Variants in NARS2 observed in about 807,000 individuals in gnomAD.
The protein encoded by NARS2 is asparaginyl-tRNA synthetase.
In NARS2, 60 loss-of-function variants were observed where a neutral mutation model predicts 62.9. The ratio of observed to expected loss-of-function variants is 0.95; its 90% CI spans 0.77 to 1.18. The LOEUF (loss-of-function observed/expected upper bound fraction) is 1.18, where lower values mean the gene tolerates loss of function less well. Ranked by LOEUF, NARS2 falls within the 50% of genes most tolerant of loss-of-function variation. NARS2 has a pLI of 0.00. For synonymous variants in NARS2, 196 were observed against 200.0 expected, an observed-to-expected ratio of 0.98 and a Z score of 0.17; for missense variants, 619 against 576.4, an observed-to-expected ratio of 1.07 and a Z score of -0.76.
Position 78,566,679 on chromosome 11 carries a change from T to C in NARS2, c.373-407A>G, listed in dbSNP as rs138063329. 5.6e-3 allele frequency among the ~76,000 whole-genome samples: 847 copies of C among 152,330 alleles called. 6 individuals carry two copies. The highest frequency in any genetic ancestry group is 0.018 in the African/African-American group (738 of 41,578). On this transcript the variant is annotated intron_variant, in intron 3 of 13. Transcript: ENST00000281038. ...ATGTACACACAAGGCTGGTGTTCAATTTTAAAATTACCTATATGTCTTGAA... is the reference window on the plus strand; with the variant it reads ...ATGTACACACAAGGCTGGTGTTCAACTTTAAAATTACCTATATGTCTTGAA...
chr11:78,451,680 G>T (rs192396865), intron 11 of NARS2, among the ~76,000 whole-genome samples: 1 of 152,306 alleles, frequency 6.6e-6, no homozygotes, highest in East Asian at 1.9e-4. Context: ...AATAAAAAGT[G>T]CTACAGCAGA....
At chr11:78,549,934 C>T (rs936991745) in intron 5 of NARS2, among the ~76,000 whole-genome samples, 1 of 152,048 alleles carries the variant, frequency 6.6e-6, no homozygotes, top group African/African-American at 2.4e-5. Context: ...AAAGACAACC[C>T]AATTAAAGTC....
At chr11:78,506,872 G>T (rs1205921283) in intron 6 of NARS2, among the ~76,000 whole-genome samples, 1 of 152,094 alleles carries the variant, frequency 6.6e-6, no homozygotes, top group Non-Finnish European at 1.5e-5. Context: ...GCAGTCTATG[G>T]AATACCCGCA....
intron 7 of NARS2, among the ~76,000 whole-genome samples, chr11:78,481,889 T>C (rs1034565078): frequency 2.6e-5 from 4 of 152,196 alleles, no homozygotes; most frequent in Non-Finnish European, 4.4e-5. Flanking sequence ...AGGAAAAAAG[T>C]GTATATCACA....
At chr11:78,512,518 T>C (rs1417518041) in intron 6 of NARS2, among the ~76,000 whole-genome samples, 1 of 152,180 alleles carries the variant, frequency 6.6e-6, no homozygotes, top group Non-Finnish European at 1.5e-5. Flanking sequence ...AGCAGCTCTG[T>C]AATGTGGCCA....
intron 6 of NARS2, among the ~76,000 whole-genome samples, chr11:78,493,435 C>T (rs1272628101): frequency 2.6e-5 from 4 of 152,112 alleles, no homozygotes; most frequent in Non-Finnish European, 5.9e-5. Context: ...CCTGGGAGGA[C>T]TGCTTAAACT....
chr11:78,453,478 AG>A (rs1326089227), intron 11 of NARS2, among the ~76,000 whole-genome samples: 4 of 152,192 alleles, frequency 2.6e-5, no homozygotes, highest in Non-Finnish European at 5.9e-5. Context: ...TAGGCTAGAT[AG>A]GAACAAGGCT....
At chr11:78,544,516 G>A (rs1014525574) in intron 5 of NARS2, among the ~76,000 whole-genome samples, 2 of 152,172 alleles carry the variant, frequency 1.3e-5, no homozygotes, top group African/African-American at 4.8e-5. Context: ...GTTACCGGCT[G>A]AGCGCAGTAG....
intron 4 of NARS2, among the ~76,000 whole-genome samples, chr11:78,560,023 G>A (rs545962028): frequency 9.2e-5 from 14 of 152,160 alleles, no homozygotes; most frequent in African/African-American, 2.4e-4. Context: ...AAACACATAC[G>A]CACACTATAG....
chr11:78,568,847 A>G (rs1856826941), intron 2 of NARS2, 95 bp from the exon 3 acceptor site: 2 of 1,029,392 alleles, frequency 1.9e-6, no homozygotes, highest in Non-Finnish European at 2.8e-6. Flanking sequence ...ATACTTAATG[A>G]CAAAAGCTTT....
chr11:78,443,016 CAGATA>C (rs1374228757), intron 12 of NARS2, among the ~76,000 whole-genome samples: 1 of 152,040 alleles, frequency 6.6e-6, no homozygotes, highest in Non-Finnish European at 1.5e-5. Flanking sequence ...ATAAAGAACA[CAGATA>C]AGATAAAAAT....
intron 9 of NARS2, among the ~76,000 whole-genome samples, chr11:78,473,090 CAGG>C (rs1441216511): frequency 1.3e-5 from 2 of 152,148 alleles, no homozygotes; most frequent in African/African-American, 4.8e-5. Context: ...TGCTTGAGCC[CAGG>C]AGTTCAAGGC....
At chr11:78,549,982 G>A (rs1377079225) in intron 5 of NARS2, among the ~76,000 whole-genome samples, 1 of 152,140 alleles carries the variant, frequency 6.6e-6, no homozygotes, top group Non-Finnish European at 1.5e-5. Context: ...TTTTTCCAAA[G>A]AAGAGAAATA....
chr11:78,520,102 A>G (rs1020507165), intron 6 of NARS2, among the ~76,000 whole-genome samples: 1 of 152,140 alleles, frequency 6.6e-6, no homozygotes, highest in Non-Finnish European at 1.5e-5. Flanking sequence ...TATACTCTTA[A>G]AGGTTGTATT....
intron 5 of NARS2, among the ~76,000 whole-genome samples, chr11:78,550,009 A>G (rs1044832836): frequency 6.6e-6 from 1 of 152,240 alleles, no homozygotes; most frequent in Non-Finnish European, 1.5e-5. Context: ...CAATATGTAC[A>G]TAAAAGACGT....
At chr11:78,544,795 CAAAAAAAAAA>C (rs35180232) in intron 5 of NARS2, among the ~76,000 whole-genome samples, 3 of 63,256 alleles carry the variant, frequency 4.7e-5, no homozygotes, top group Admixed American at 3.9e-4. Context: ...CTCCGTCTCA[CAAAAAAAAAA>C]AAAAAAAAAA....
intron 5 of NARS2, among the ~76,000 whole-genome samples, chr11:78,530,250 T>C (rs1590819589): frequency 6.6e-6 from 1 of 152,270 alleles, no homozygotes; most frequent in African/African-American, 2.4e-5. Flanking sequence ...CTTGATCTGA[T>C]ATATGTTAAG....
At chr11:78,481,607 A>G (rs1316681943) in intron 7 of NARS2, among the ~76,000 whole-genome samples, 1 of 152,130 alleles carries the variant, frequency 6.6e-6, no homozygotes, top group African/African-American at 2.4e-5. Flanking sequence ...GACATTCACA[A>G]TATACTCCAC....
At chr11:78,550,029 T>C (rs1856038351) in intron 5 of NARS2, among the ~76,000 whole-genome samples, 1 of 152,168 alleles carries the variant, frequency 6.6e-6, no homozygotes, top group Non-Finnish European at 1.5e-5. Context: ...TCCAACATCC[T>C]TAGTCATGTT....
Sources: allele counts gnomAD v4.1 joint callset (sites outside exome capture counted in the v4.1 genomes callset), GRCh38; gene constraint gnomAD v4.1.1; transcripts MANE v1.5; gene names NCBI Gene and HGNC (gene_info 2026-07-23, HGNC 2026-07-21).